PCBP3: variants seen among roughly 807,000 people sequenced by gnomAD.
PCBP3 encodes poly(rC)-binding protein 3.
A neutral mutation model predicts 52.7 loss-of-function variants in PCBP3; 25 were observed. The ratio of observed to expected loss-of-function variants is 0.47; its 90% CI spans 0.35 to 0.66. The LOEUF is 0.66. Ranked by LOEUF, PCBP3 falls within the 30% of genes least tolerant of loss-of-function variation. The pLI is 0.01. For synonymous variants in PCBP3, 162 were observed against 183.0 expected (o/e 0.89, Z 0.93); for missense variants, 391 against 490.3 (o/e 0.80, Z 1.91).
At chr21:45,851,779 A>G (rs1161107046) in intron 5 of PCBP3, among the ~76,000 whole-genome samples, 3 of 152,246 alleles carry the variant, frequency 2.0e-5, no homozygotes, top group Non-Finnish European at 4.4e-5. Context: ...ACTTGAGAAG[A>G]AATAGAGAAC....
chr21:45,647,595 A>G (rs898087568), intron 1 of PCBP3, among the ~76,000 whole-genome samples: 10 of 152,286 alleles, frequency 6.6e-5, no homozygotes, highest in African/African-American at 1.9e-4. Flanking sequence ...ATTTATTAGA[A>G]AAAGACTGGA....
At chr21:45,663,235 C>CACGTGACCT (rs2080535826) in intron 1 of PCBP3, among the ~76,000 whole-genome samples, 1 of 152,182 alleles carries the variant, frequency 6.6e-6, no homozygotes, top group South Asian at 2.1e-4. Context: ...ACACGTGACC[C>CACGTGACCT]ACGTGACCTT....
chr21:45,905,069 A>G (rs1448712780), intron 9 of PCBP3, among the ~76,000 whole-genome samples: 9 of 152,250 alleles, frequency 5.9e-5, no homozygotes, highest in Admixed American at 3.3e-4. Context: ...AAAGGATACA[A>G]CCAGAATTTT....
intron 13 of PCBP3, among the ~76,000 whole-genome samples, chr21:45,921,687 C>T (rs2074460339): frequency 6.6e-6 from 1 of 152,172 alleles, no homozygotes; most frequent in Non-Finnish European, 1.5e-5. Flanking sequence ...GACGTGGTGG[C>T]ACACGCCTGT....
intron 4 of PCBP3, among the ~76,000 whole-genome samples, chr21:45,815,541 A>G (rs1274006105): frequency 2.2e-3 from 13 of 5,844 alleles, no homozygotes; most frequent in East Asian, 4.8e-3. Flanking sequence ...AGTGGTGAGT[A>G]GTGAGTGATG....
At chr21:45,933,965 G>A (rs996596908) in intron 15 of PCBP3, among the ~76,000 whole-genome samples, 1 of 152,150 alleles carries the variant, frequency 6.6e-6, no homozygotes, top group Non-Finnish European at 1.5e-5. Flanking sequence ...TGGAGTTGGG[G>A]GGCACAGGAG....
At chr21:45,894,642 C>T (rs1450463438) in intron 5 of PCBP3, among the ~76,000 whole-genome samples, 1 of 152,228 alleles carries the variant, frequency 6.6e-6, no homozygotes, top group Non-Finnish European at 1.5e-5. Flanking sequence ...GTCCGCGCTG[C>T]CAGAAATGGC....
chr21:45,815,078 G>A (rs1222771658), intron 4 of PCBP3, among the ~76,000 whole-genome samples: 4 of 32,312 alleles, frequency 1.2e-4, no homozygotes, highest in South Asian at 2.3e-3. Context: ...ATGAGTGATG[G>A]GTGAGTGGTG....
In PCBP3 at chr21:45,880,998, A is replaced by G. The variant is rs180718939; in HGVS notation, c.11-15210A>G. Among the ~76,000 whole-genome samples the G allele has an allele frequency of 2.6e-5, 4 of 152,268 alleles. No homozygotes were observed. Among genetic ancestry groups the G allele is most frequent in the African/African-American group, 9.6e-5 (4 of 41,574 alleles). On this transcript the variant is annotated intron_variant, in intron 5 of 17. Coordinates refer to ENST00000681687, the MANE Select transcript of PCBP3 (RefSeq NM_001384156.1). The surrounding 1 kb of genome is among the most constrained non-coding windows in gnomAD (Gnocchi z 5.4). ...GCGTCAGGCAGCTCATGCCCAGCCA[A>G]GTGCTCCTGAGTGGACATGCCTGGG...
chr21:45,695,586 T>G (rs1425100183), intron 2 of PCBP3, among the ~76,000 whole-genome samples: 1 of 152,224 alleles, frequency 6.6e-6, no homozygotes, highest in African/African-American at 2.4e-5. Context: ...TACTGGCTTT[T>G]ACATTTGTTA....
At chr21:45,865,045 A>G (rs2839023) in intron 5 of PCBP3, among the ~76,000 whole-genome samples, 41,013 of 152,186 alleles carry the variant, frequency 0.27, 8,212 homozygotes, top group African/African-American at 0.57. Context: ...CCCACTGCCA[A>G]TCTTGAGGAA....
intron 4 of PCBP3, among the ~76,000 whole-genome samples, chr21:45,797,745 A>G (rs552554389): frequency 0.047 from 65 of 1,386 alleles, no homozygotes; most frequent in Non-Finnish European, 0.058. Flanking sequence ...GCGTGGATCC[A>G]TAGAGAGAGT....
At chr21:45,697,572 T>C (rs959751331) in intron 2 of PCBP3, among the ~76,000 whole-genome samples, 4 of 151,864 alleles carry the variant, frequency 2.6e-5, no homozygotes, top group African/African-American at 7.3e-5. Flanking sequence ...TAGTGAGATA[T>C]CACCTCTACA....
chr21:45,899,524 G>C (rs564575124), intron 6 of PCBP3, 75 bp from the exon 7 acceptor site: 1 of 1,160,030 alleles, frequency 8.6e-7, no homozygotes, highest in South Asian at 1.3e-5. Flanking sequence ...GGCAGGTTTC[G>C]GTAGTGTCTG....
intron 5 of PCBP3, 50 bp from the exon 6 acceptor site, chr21:45,896,158 C>G (rs979007990): frequency 3.3e-6 from 5 of 1,527,746 alleles, no homozygotes; most frequent in South Asian, 1.2e-5. Flanking sequence ...CCTGGATGTG[C>G]GTGGTCCGTG....
rs148607203 is a variant in PCBP3, at chr21:45,899,004, G to A, written c.166-595G>A. 2.1e-3 allele frequency among the ~76,000 whole-genome samples: 292 copies of A among 142,178 alleles called. 5 individuals carry two copies. The highest frequency in any genetic ancestry group is 7.3e-3 in the African/African-American group (265 of 36,516). The allele number at this position is 142,178 out of a possible 152,430, so 93.3% of individuals were successfully genotyped here. The stretch of plus-strand genomic sequence containing the variant: ...CACCGACGTCACCATTGCTGGCCCC[G>A]CTTCAGGTGACAGGCCACAGTAGCA... On this transcript the variant is annotated intron_variant, in intron 6 of 17. Transcript: ENST00000681687.
chr21:45,862,186 CG>C (rs975054478), intron 5 of PCBP3, among the ~76,000 whole-genome samples: 135 of 67,192 alleles, frequency 2.0e-3, no homozygotes, highest in South Asian at 7.0e-3. Flanking sequence ...GGAATTGGGG[CG>C]GGTGGGGGGA....
At chr21:45,729,022 T>C (rs2085262057) in intron 2 of PCBP3, among the ~76,000 whole-genome samples, 1 of 152,190 alleles carries the variant, frequency 6.6e-6, no homozygotes, top group Non-Finnish European at 1.5e-5. Flanking sequence ...TTTCAAAACT[T>C]TTTTGTTACC....
intron 16 of PCBP3, among the ~76,000 whole-genome samples, chr21:45,939,739 G>A (rs1381390455): frequency 6.6e-6 from 1 of 152,220 alleles, no homozygotes; most frequent in East Asian, 1.9e-4. Context: ...CAGGCCGAGT[G>A]ACTGTGCCTC....
Sources: allele counts gnomAD v4.1 joint callset (sites outside exome capture counted in the v4.1 genomes callset), GRCh38; gene constraint gnomAD v4.1.1; non-coding constraint Gnocchi (gnomAD v3.1); transcripts MANE v1.5; gene names NCBI Gene and HGNC (gene_info 2026-07-23, HGNC 2026-07-21).